The following CTDSPL variants were observed in gnomAD, a reference collection of about 807,000 sequenced individuals.
The protein encoded by CTDSPL is CTD small phosphatase-like protein.
CTDSPL carries 8 observed loss-of-function variants against 30.5 expected under a neutral mutation model. The observed-to-expected ratio is 0.26, with a 90% CI of 0.15 to 0.47. The LOEUF (loss-of-function observed/expected upper bound fraction) is 0.47. CTDSPL is among the 20% of genes least tolerant of loss of function. The pLI is 0.99. For missense variants in CTDSPL, 248 were observed against 366.1 expected (o/e 0.68, Z 2.63); for synonymous variants, 110 against 137.9 (o/e 0.80, Z 1.42).
rs1699484907 is a variant in CTDSPL at position 37,980,933 on chromosome 3, C to T, written c.*66C>T. On this transcript the variant is annotated 3_prime_UTR_variant, in exon 8 of 8. Coordinates refer to ENST00000273179, the MANE Select transcript of CTDSPL (RefSeq NM_001008392.2). The stretch of plus-strand genomic sequence containing the variant: ...CTCTGGCCTCAGGGGACCTGCCTGT[C>T]CTCAGCTCCCTGGGAGCTGAAAGTG... 3.9e-6 allele frequency: 6 copies of T among 1,544,542 alleles called. No individual in the cohort carries two copies. The highest frequency in any genetic ancestry group is 2.3e-5 in the East Asian group (1 of 42,776).
Position 37,941,652 on chromosome 3 carries a change from A to G in CTDSPL, c.80-5405A>G, listed in dbSNP as rs577355734. Among the ~76,000 whole-genome samples the G allele has an allele frequency of 2.0e-5, 3 of 150,072 alleles. 1 individual carries two copies. Among genetic ancestry groups the G allele is most frequent in the African/African-American group, 7.3e-5 (3 of 41,362 alleles). On this transcript the variant is annotated intron_variant, in intron 1 of 7. Transcript: ENST00000273179. Reference sequence around the variant, plus strand: ...TGATCTGCCCGCCTTGGCCTCCCCAAGTGCTGGGATACAGGAATGAGCCAC... The same window carrying G: ...TGATCTGCCCGCCTTGGCCTCCCCAGGTGCTGGGATACAGGAATGAGCCAC...
chr3:37,958,425 T>C (rs950830705), intron 3 of CTDSPL, among the ~76,000 whole-genome samples: 4 of 152,206 alleles, frequency 2.6e-5, no homozygotes, highest in Non-Finnish European at 4.4e-5. Context: ...AACCTTTATA[T>C]AAAGTAGTTT....
At chr3:37,883,985 G>T (rs1185813787) in intron 1 of CTDSPL, among the ~76,000 whole-genome samples, 1 of 152,030 alleles carries the variant, frequency 6.6e-6, no homozygotes, top group Admixed American at 6.6e-5. Context: ...CAAAACTCAG[G>T]GTCCTTAAGG....
At chr3:37,930,064 A>G (rs1246956264) in intron 1 of CTDSPL, among the ~76,000 whole-genome samples, 1 of 151,208 alleles carries the variant, frequency 6.6e-6, no homozygotes, top group Non-Finnish European at 1.5e-5. Context: ...CTGAGATCGC[A>G]CCACTGCACT....
intron 1 of CTDSPL, among the ~76,000 whole-genome samples, chr3:37,912,139 T>C (rs1698590575): frequency 6.6e-6 from 1 of 152,220 alleles, no homozygotes; most frequent in Non-Finnish European, 1.5e-5. Context: ...TCCTGATTTA[T>C]GTTGTCTTTG....
At chr3:37,965,964 A>C (rs1252198594) in intron 4 of CTDSPL, among the ~76,000 whole-genome samples, 1 of 152,204 alleles carries the variant, frequency 6.6e-6, no homozygotes, top group Non-Finnish European at 1.5e-5. Flanking sequence ...CCTAGATAGC[A>C]TTGGAAGCCA....
Position 37,862,313 on chromosome 3 carries a change from C to G in CTDSPL, c.79+35C>G. 6.9e-7 allele frequency: 1 copy of G among 1,441,218 alleles called. No individual in the cohort carries two copies. The highest frequency in any genetic ancestry group is 9.1e-7 in the Non-Finnish European group (1 of 1,097,372). 89.3% of individuals were successfully genotyped at this position (1,441,218 alleles called of 1,614,324 possible). On this transcript the variant is annotated intron_variant, in intron 1 of 7. Transcript: ENST00000273179. The surrounding 1 kb of genome is among the most constrained non-coding windows in gnomAD (Gnocchi z 4.3). Reference sequence around the variant, plus strand: ...GGCGCAGGCGGCCGCGGGCTGGGGGCGAGCGCACACCCCGCGCCGCTGGAG... The same window carrying G: ...GGCGCAGGCGGCCGCGGGCTGGGGGGGAGCGCACACCCCGCGCCGCTGGAG...
At chr3:37,960,593 G>A (rs1386659122) in intron 3 of CTDSPL, among the ~76,000 whole-genome samples, 1 of 128,170 alleles carries the variant, frequency 7.8e-6, no homozygotes, top group Non-Finnish European at 1.6e-5. Context: ...GCTGGGTGTG[G>A]TGGTGCATGC....
chr3:37,942,278 TC>T (rs1438958661), intron 1 of CTDSPL, among the ~76,000 whole-genome samples: 2 of 150,682 alleles, frequency 1.3e-5, no homozygotes. Context: ...CAGCCTTTGA[TC>T]CAGCGTTCCT....
intron 1 of CTDSPL, among the ~76,000 whole-genome samples, chr3:37,895,240 T>G (rs1202418798): frequency 1.3e-5 from 2 of 152,188 alleles, no homozygotes; most frequent in Non-Finnish European, 2.9e-5. Flanking sequence ...TTGCCAACAT[T>G]CAGCTTGGTT....
intron 1 of CTDSPL, among the ~76,000 whole-genome samples, chr3:37,897,310 T>C (rs550290047): frequency 6.6e-6 from 1 of 152,268 alleles, no homozygotes; most frequent in Admixed American, 6.5e-5. Context: ...AGGGGGAAGC[T>C]TACCAAGTTT....
At chr3:37,873,389 C>T (rs1042138970) in intron 1 of CTDSPL, among the ~76,000 whole-genome samples, 36 of 152,138 alleles carry the variant, frequency 2.4e-4, no homozygotes, top group African/African-American at 6.5e-4. Context: ...CTGCAACTGT[C>T]GGTTTTCTCC....
intron 1 of CTDSPL, among the ~76,000 whole-genome samples, chr3:37,904,742 T>G (rs1226981988): frequency 6.6e-6 from 1 of 152,244 alleles, no homozygotes; most frequent in Non-Finnish European, 1.5e-5. Flanking sequence ...TATATCTCCC[T>G]GTTGCATCAG....
At chr3:37,869,630 A>G (rs1375984189) in intron 1 of CTDSPL, among the ~76,000 whole-genome samples, 2 of 152,132 alleles carry the variant, frequency 1.3e-5, no homozygotes, top group Non-Finnish European at 2.9e-5. Flanking sequence ...TGCACTGACT[A>G]GAACTTTAGC....
intron 1 of CTDSPL, among the ~76,000 whole-genome samples, chr3:37,927,638 G>A (rs1457423610): frequency 1.7e-5 from 1 of 59,482 alleles, no homozygotes; most frequent in African/African-American, 8.1e-5. Flanking sequence ...AAAAATATAT[G>A]TGTGTGTGTG....
chr3:37,958,426 A>C (rs993210870), intron 3 of CTDSPL, among the ~76,000 whole-genome samples: 11 of 152,198 alleles, frequency 7.2e-5, no homozygotes, highest in South Asian at 2.1e-4. Flanking sequence ...ACCTTTATAT[A>C]AAGTAGTTTT....
chr3:37,927,265 G>A (rs1035455619), intron 1 of CTDSPL, among the ~76,000 whole-genome samples: 3 of 152,162 alleles, frequency 2.0e-5, no homozygotes, highest in African/African-American at 7.2e-5. Context: ...CTCAAAGATG[G>A]TGGGTCAAAG....
At chr3:37,954,052 C>A (rs1378136502) in intron 2 of CTDSPL, among the ~76,000 whole-genome samples, 1 of 151,916 alleles carries the variant, frequency 6.6e-6, no homozygotes, top group East Asian at 1.9e-4. Context: ...TCTTCTGGGA[C>A]AAAAAATGTC....
intron 1 of CTDSPL, among the ~76,000 whole-genome samples, chr3:37,879,664 A>G (rs1698179444): frequency 6.6e-6 from 1 of 152,092 alleles, no homozygotes; most frequent in East Asian, 1.9e-4. Flanking sequence ...CTCAAGTGTC[A>G]CCTTCTCTTG....
Sources: gnomAD v4.1 joint callset for allele counts (sites outside exome capture counted in the v4.1 genomes callset) on GRCh38, gnomAD v4.1.1 for gene constraint, Gnocchi (gnomAD v3.1) non-coding constraint, MANE v1.5 for transcripts, NCBI Gene and HGNC (gene_info 2026-07-23, HGNC 2026-07-21) for gene names.